Variants in SLC16A1 observed in about 807,000 individuals in gnomAD.
SLC16A1 encodes the protein solute carrier family 16 member 1.
A neutral mutation model predicts 32.2 loss-of-function variants in SLC16A1; 11 were observed. That is an observed-to-expected ratio of 0.34 (90% CI 0.21 to 0.56). The LOEUF (loss-of-function observed/expected upper bound fraction) is 0.56, where lower values mean the gene tolerates loss of function less well. Ranked by LOEUF, SLC16A1 falls within the 20% of genes least tolerant of loss-of-function variation. SLC16A1 has a pLI of 0.87. For missense variants in SLC16A1, 435 were observed against 615.0 expected (o/e 0.71, Z 3.10); for synonymous variants, 231 against 226.8 (o/e 1.02, Z -0.17).
intron 3 of SLC16A1, among the ~76,000 whole-genome samples, chr1:112,921,689 ACT>A (rs946967992): frequency 6.6e-6 from 1 of 152,090 alleles, no homozygotes; most frequent in African/African-American, 2.4e-5. Context: ...TCAAATTGCC[ACT>A]CTCGCACCAA....
intron 2 of SLC16A1, among the ~76,000 whole-genome samples, chr1:112,928,889 G>GT (rs1480064855): frequency 3.3e-5 from 5 of 151,946 alleles, no homozygotes; most frequent in African/African-American, 9.7e-5. Flanking sequence ...TCTCATTTCT[G>GT]TTTTGAAATA....
Position 112,917,796 on chromosome 1 carries a change from T to C in SLC16A1, c.610A>G (p.Lys204Glu), listed in dbSNP as rs80358222. ...GCTTTAGACTTATCTTTCCCTGCCT[T>C]GGTTGGCTTGGGCCCGATTGGTCGC... ...LMRPIGPKPT[K>E]AGKDKSKASL... Residue 204 changes from lysine to glutamate, a missense_variant, in exon 4 of 5, where the codon AAG (lysine) becomes GAG (glutamate). Lys to Glu is a moderately conservative substitution (Grantham distance 56, BLOSUM62 1). Coordinates refer to ENST00000369626, the MANE Select transcript of SLC16A1 (RefSeq NM_003051.4). The surrounding 1 kb of genome is among the most constrained non-coding windows in gnomAD (Gnocchi z 4.1). The C allele has an allele frequency of 6.8e-6, 11 of 1,614,102 alleles. No individual in the cohort carries two copies. The African/African-American group carries it at 1.3e-4, about 20-fold the overall frequency.
At chr1:112,953,093 C>G (rs998471135) in intron 1 of SLC16A1, among the ~76,000 whole-genome samples, 2 of 151,780 alleles carry the variant, frequency 1.3e-5, no homozygotes, top group African/African-American at 4.8e-5. Flanking sequence ...ATATTGCATC[C>G]AAAGTGATGT....
chr1:112,943,243 T>A (rs1168283604), intron 1 of SLC16A1, among the ~76,000 whole-genome samples: 1 of 152,136 alleles, frequency 6.6e-6, no homozygotes, highest in Non-Finnish European at 1.5e-5. Context: ...AAACCGGAAT[T>A]TTCCAGTGTC....
chr1:112,918,754 G>C (rs1159257693), intron 3 of SLC16A1, among the ~76,000 whole-genome samples: 1 of 152,150 alleles, frequency 6.6e-6, no homozygotes, highest in African/African-American at 2.4e-5. Flanking sequence ...GGTGAGCTAT[G>C]ATCACACAAC....
Position 112,930,330 on chromosome 1 carries a change from A to G in SLC16A1, c.-44-978T>C, listed in dbSNP as rs180841523. Among the ~76,000 whole-genome samples, 664 of 149,954 alleles carry G rather than the reference A, an allele frequency of 4.4e-3. 11 individuals are homozygous for G. Among genetic ancestry groups the G allele is most frequent in the African/African-American group, 0.015 (639 of 41,374 alleles). On this transcript the variant is annotated intron_variant, in intron 1 of 4. Coordinates refer to ENST00000369626, the MANE Select transcript of SLC16A1 (RefSeq NM_003051.4). ...TACAATTGCTTGGTATATGTGGGGG[A>G]AAAAAACCCCCACACTTCTGGTTAC...
At chr1:112,936,120 C>T (rs1005098179) in intron 1 of SLC16A1, 3 of 150,218 alleles carry the variant, frequency 2.0e-5, no homozygotes, top group African/African-American at 7.6e-5. Context: ...AAAGAGATTT[C>T]TGTTAAACAA....
At chr1:112,936,797 TA>T (rs1271189045) in intron 1 of SLC16A1, among the ~76,000 whole-genome samples, 4 of 152,224 alleles carry the variant, frequency 2.6e-5, no homozygotes, top group African/African-American at 4.8e-5. Context: ...AATTTTTAGC[TA>T]AGGTTATCTC....
intron 1 of SLC16A1, among the ~76,000 whole-genome samples, chr1:112,943,787 CAAAAAAAAAAA>C (rs60946516): frequency 2.0e-5 from 1 of 49,496 alleles, no homozygotes; most frequent in African/African-American, 5.2e-5. Context: ...GACTCCATCT[CAAAAAAAAAAA>C]AAAAAAAAAA....
rs759237012 is a variant in SLC16A1 at position 112,921,979 on chromosome 1, T to C, written c.361+11A>G. 5.0e-6 allele frequency: 8 copies of C among 1,613,950 alleles called. No homozygotes were observed. The highest frequency in any genetic ancestry group is 1.3e-5 in the African/African-American group (1 of 74,928). ...AAACTAATGCTTCCAAATGAATCAG[T>C]AGTAACTCACCTCCAATGACTCCAA... On this transcript the variant is annotated intron_variant, in intron 3 of 4. Coordinates refer to ENST00000369626, the MANE Select transcript of SLC16A1 (RefSeq NM_003051.4).
At chr1:112,948,092 C>A (rs1221576556) in intron 1 of SLC16A1, among the ~76,000 whole-genome samples, 1 of 152,082 alleles carries the variant, frequency 6.6e-6, no homozygotes, top group East Asian at 1.9e-4. Flanking sequence ...TGGTGGTATG[C>A]GCCTATAATC....
intron 2 of SLC16A1, among the ~76,000 whole-genome samples, chr1:112,928,498 A>G (rs1190554253): frequency 6.6e-6 from 1 of 152,250 alleles, no homozygotes; most frequent in African/African-American, 2.4e-5. Context: ...GATGATGTTA[A>G]GTGAGCAACT....
intron 1 of SLC16A1, among the ~76,000 whole-genome samples, chr1:112,936,338 A>C (rs935669920): frequency 6.6e-6 from 1 of 151,692 alleles, no homozygotes; most frequent in African/African-American, 2.4e-5. Flanking sequence ...TGAAACCCCA[A>C]CTCTACTAAA....
At chr1:112,939,784 C>T (rs1211760584) in intron 1 of SLC16A1, among the ~76,000 whole-genome samples, 4 of 152,064 alleles carry the variant, frequency 2.6e-5, no homozygotes, top group East Asian at 1.9e-4. Flanking sequence ...GGATTACAGG[C>T]GTTAGCCACC....
chr1:112,921,408 T>C (rs1279377969), intron 3 of SLC16A1, among the ~76,000 whole-genome samples: 4 of 152,186 alleles, frequency 2.6e-5, no homozygotes, highest in Admixed American at 1.3e-4. Context: ...CACAAAACTT[T>C]CAACTTAATA....
intron 4 of SLC16A1, 55 bp from the exon 5 acceptor site, chr1:112,914,220 T>A: frequency 1.3e-6 from 2 of 1,595,364 alleles, no homozygotes; most frequent in South Asian, 2.2e-5. Context: ...AGTTTTTTTT[T>A]CCCCCAAGCA....
intron 3 of SLC16A1, among the ~76,000 whole-genome samples, 156 bp downstream of exon 3, chr1:112,921,834 C>T (rs1213186132): frequency 2.0e-5 from 3 of 152,134 alleles, no homozygotes; most frequent in Non-Finnish European, 4.4e-5. Flanking sequence ...TAAAAGTTTG[C>T]TTTTCTAGTA....
intron 1 of SLC16A1, among the ~76,000 whole-genome samples, chr1:112,929,739 T>C (rs907881357): frequency 6.6e-6 from 1 of 151,996 alleles, no homozygotes; most frequent in African/African-American, 2.4e-5. Flanking sequence ...CCCAGTTACT[T>C]GGGAGGCTGA....
intron 1 of SLC16A1, among the ~76,000 whole-genome samples, chr1:112,943,756 C>G (rs1182949988): frequency 4.3e-5 from 6 of 140,258 alleles, no homozygotes; most frequent in Admixed American, 3.1e-4. Context: ...CCACTGCACT[C>G]TAGCCTGGGT....
Sources: gnomAD v4.1 joint callset for allele counts (sites outside exome capture counted in the v4.1 genomes callset) on GRCh38, gnomAD v4.1.1 for gene constraint, Gnocchi (gnomAD v3.1) non-coding constraint, MANE v1.5 for transcripts, NCBI Gene and HGNC (gene_info 2026-07-23, HGNC 2026-07-21) for gene names.